The following ACSM3 variants were observed in gnomAD, a reference collection of about 807,000 sequenced individuals.
ACSM3 encodes acyl-CoA synthetase medium chain family member 3, also known as acyl-coenzyme A synthetase ACSM3, mitochondrial.
Under a neutral mutation model 74.1 loss-of-function variants are expected in ACSM3, and 61 were observed. The observed-to-expected ratio is 0.82, with a 90% CI of 0.67 to 1.02. ACSM3 has a LOEUF of 1.02. ACSM3 is among the 50% of genes least tolerant of loss of function. The probability of loss-of-function intolerance (pLI) is 0.00; values close to 1 mark genes in which losing one functional copy is unlikely to be tolerated. For synonymous variants in ACSM3, 213 were observed against 241.5 expected, an observed-to-expected ratio of 0.88 and a Z score of 1.09; for missense variants, 660 against 697.0, an observed-to-expected ratio of 0.95 and a Z score of 0.60.
At chr16:20,738,677 G>C in intron 1 of ACSM3, 1 of 547,068 alleles carries the variant, frequency 1.8e-6, no homozygotes, top group South Asian at 2.4e-5. Context: ...AGTTATATAC[G>C]AAGGAAGCAG....
intron 13 of ACSM3, 108 bp from the exon 14 acceptor site, chr16:20,796,778 G>C: frequency 6.5e-7 from 1 of 1,545,734 alleles, no homozygotes; most frequent in Non-Finnish European, 8.7e-7. Flanking sequence ...CCATTCCAAA[G>C]ACTATTCTAA....
At chr16:20,779,761 G>A (rs78246163) in intron 4 of ACSM3, 2,804 of 156,806 alleles carry the variant, frequency 0.018, 79 homozygotes, top group African/African-American at 0.065. Context: ...AACCTTTCAC[G>A]GTCAGCAAAC....
At chr16:20,767,850 A>T (rs2080144572) in intron 1 of ACSM3, among the ~76,000 whole-genome samples, 1 of 152,212 alleles carries the variant, frequency 6.6e-6, no homozygotes. Context: ...AATGGTTTTT[A>T]AATTTTTTAA....
chr16:20,777,990 C>T (rs913496387), intron 4 of ACSM3, among the ~76,000 whole-genome samples: 1 of 152,154 alleles, frequency 6.6e-6, no homozygotes, highest in South Asian at 2.1e-4. Flanking sequence ...CTTTATATAC[C>T]CACATTGATC....
intron 1 of ACSM3, among the ~76,000 whole-genome samples, chr16:20,692,810 T>C (rs904246842): frequency 1.3e-5 from 2 of 152,170 alleles, no homozygotes; most frequent in Non-Finnish European, 2.9e-5. Flanking sequence ...ACCCATCTGA[T>C]GAGAATTTAT....
At chr16:20,682,265 G>A (rs755751453) in intron 1 of ACSM3, 31 of 1,612,728 alleles carry the variant, frequency 1.9e-5, no homozygotes, top group South Asian at 1.4e-4. Context: ...CTTAACCAGC[G>A]ATCGGAAGTC....
At chr16:20,775,293 A>G (rs1343486448) in intron 2 of ACSM3, among the ~76,000 whole-genome samples, 1 of 152,140 alleles carries the variant, frequency 6.6e-6, no homozygotes, top group East Asian at 1.9e-4. Flanking sequence ...AGGAGGACCT[A>G]GTATGAACTT....
At chr16:20,789,501 C>T in intron 9 of ACSM3, 1 of 1,613,526 alleles carries the variant, frequency 6.2e-7, no homozygotes, top group Non-Finnish European at 8.5e-7. Context: ...GAGAATATTC[C>T]CCTTTTCCTG....
At chr16:20,738,935 C>A (rs1193501414) in intron 1 of ACSM3, 15 of 1,614,060 alleles carry the variant, frequency 9.3e-6, no homozygotes, top group African/African-American at 1.3e-5. Context: ...GTTATTTGCT[C>A]CACTTTCCAC....
chr16:20,719,121 C>A (rs2079776902), intron 1 of ACSM3: 1 of 154,022 alleles, frequency 6.5e-6, no homozygotes, highest in African/African-American at 2.4e-5. Context: ...CCCTTCTCTG[C>A]AGCCCTTAAG....
chr16:20,740,872 A>G (rs2152421962), intron 1 of ACSM3, among the ~76,000 whole-genome samples: 1 of 152,370 alleles, frequency 6.6e-6, no homozygotes, highest in South Asian at 2.1e-4. Context: ...TTATTGCTTC[A>G]GGTAAACACA....
intron 8 of ACSM3, 104 bp from the exon 9 acceptor site, chr16:20,785,974 T>C: frequency 1.4e-6 from 1 of 722,372 alleles, no homozygotes. Context: ...TGAGCCTAGT[T>C]CATAGTAAGT....
intron 1 of ACSM3, among the ~76,000 whole-genome samples, chr16:20,717,960 G>GAAGAAT (rs2079769611): frequency 1.6e-5 from 1 of 63,762 alleles, no homozygotes; most frequent in South Asian, 5.6e-4. Context: ...GGAAGAGGAA[G>GAAGAAT]AAGAAGAAGA....
chr16:20,742,813 ATTT>A (rs372677216), intron 1 of ACSM3, among the ~76,000 whole-genome samples: 23 of 66,832 alleles, frequency 3.4e-4, no homozygotes, highest in Non-Finnish European at 6.8e-4. Flanking sequence ...ATATATATAT[ATTT>A]TTTTTTTTTC....
intron 1 of ACSM3, among the ~76,000 whole-genome samples, chr16:20,699,792 C>T (rs1422640487): frequency 6.6e-6 from 1 of 152,182 alleles, no homozygotes; most frequent in African/African-American, 2.4e-5. Flanking sequence ...GTTACCAGCT[C>T]TGTGACATTG....
At chr16:20,684,510 C>G (rs546989971) in intron 1 of ACSM3, among the ~76,000 whole-genome samples, 6 of 152,330 alleles carry the variant, frequency 3.9e-5, no homozygotes, top group South Asian at 4.1e-4. Context: ...TTGCAATTCT[C>G]CTGCCTAACG....
chr16:20,741,364 C>A (rs2079918960), intron 1 of ACSM3: 2 of 1,035,240 alleles, frequency 1.9e-6, no homozygotes, highest in South Asian at 3.4e-5. Context: ...GGACTAGGGA[C>A]GGAAACGCCG....
intron 9 of ACSM3, among the ~76,000 whole-genome samples, chr16:20,789,044 A>G (rs1049389772): frequency 2.4e-4 from 36 of 152,258 alleles, no homozygotes; most frequent in African/African-American, 7.7e-4. Flanking sequence ...GAATATATAT[A>G]AAAGCAGAAT....
chr16:20,711,708 C>T (rs902798095), intron 1 of ACSM3: 1 of 469,298 alleles, frequency 2.1e-6, no homozygotes, highest in African/African-American at 2.0e-5. Context: ...CCAATCTACG[C>T]TGCCAGCAAC....
Sources: gnomAD v4.1 joint callset for allele counts (sites outside exome capture counted in the v4.1 genomes callset) on GRCh38, gnomAD v4.1.1 for gene constraint, MANE v1.5 for transcripts, NCBI Gene and HGNC (gene_info 2026-07-23, HGNC 2026-07-21) for gene names.